LRRC4B: variants seen among roughly 807,000 people sequenced by gnomAD.
LRRC4B encodes leucine-rich repeat-containing protein 4B.
Under a neutral mutation model 7.3 loss-of-function variants are expected in LRRC4B, and 1 was observed. The ratio of observed to expected loss-of-function variants is 0.14; its 90% CI spans 0.05 to 0.65. LRRC4B has a LOEUF of 0.65. Ranked by LOEUF, LRRC4B falls within the 30% of genes least tolerant of loss-of-function variation. The pLI is 0.84. For synonymous variants in LRRC4B, 500 were observed against 499.2 expected (o/e 1.00, Z -0.02); for missense variants, 730 against 1,041.6 (o/e 0.70, Z 4.12).
At chr19:50,560,545 A>T (rs758097653) in intron 1 of LRRC4B, among the ~76,000 whole-genome samples, 2 of 152,262 alleles carry the variant, frequency 1.3e-5, no homozygotes. Flanking sequence ...TCCAGGATCC[A>T]GAAGATCCTC....
At chr19:50,538,655 G>A (rs1217518614) in intron 2 of LRRC4B, among the ~76,000 whole-genome samples, 1 of 138,882 alleles carries the variant, frequency 7.2e-6, no homozygotes, top group African/African-American at 2.6e-5. Flanking sequence ...TGCAGCCTCT[G>A]CCTCCTGGCC....
chr19:50,556,071 C>A lies in LRRC4B; in HGVS notation c.-35-7198G>T, dbSNP rs1277714329. On this transcript the variant is annotated intron_variant, in intron 1 of 2. Transcript: ENST00000652263. This position sits in a 1 kb window ranked among gnomAD's most constrained non-coding sequence, Gnocchi z 4.2. ...AATGCTTTCAAAATAAAAGCAGCCC[C>A]ACAGCGCCGAGAATTGTCAGGCTTC... Among the ~76,000 whole-genome samples, 1 of 152,138 alleles carries A rather than the reference C, an allele frequency of 6.6e-6. No individual in the cohort carries two copies. Among genetic ancestry groups the A allele is most frequent in the Non-Finnish European group, 1.5e-5 (1 of 68,028 alleles).
chr19:50,527,706 TTCCCTCCC>T (rs544155236), intron 2 of LRRC4B, among the ~76,000 whole-genome samples: 39 of 149,696 alleles, frequency 2.6e-4, no homozygotes, highest in African/African-American at 9.3e-4. Context: ...CTCTGTCTCT[TTCCCTCCC>T]TCCCTCCCTC....
At chr19:50,528,201 C>A (rs970518156) in intron 2 of LRRC4B, among the ~76,000 whole-genome samples, 1 of 152,034 alleles carries the variant, frequency 6.6e-6, no homozygotes, top group African/African-American at 2.4e-5. Context: ...CACCACCATG[C>A]CTTGCTAAGT....
rs186443781 is a variant in LRRC4B, at chr19:50,517,215, C to G, written c.*356G>C. 7 of 198,476 alleles carry G rather than the reference C, an allele frequency of 3.5e-5. No individual in the cohort carries two copies. The highest frequency in any genetic ancestry group is 1.2e-4 in the African/African-American group (5 of 43,370). The allele number at this position is 198,476 out of a possible 1,614,324, so 12.3% of individuals were successfully genotyped here. On this transcript the variant is annotated 3_prime_UTR_variant, in exon 3 of 3. Coordinates refer to ENST00000652263, the MANE Select transcript of LRRC4B (RefSeq NM_001080457.2). The surrounding 1 kb of genome is among the most constrained non-coding windows in gnomAD (Gnocchi z 6.6). The stretch of plus-strand genomic sequence containing the variant: ...TGTTTGGGGCCGAGGGGAAAGGACA[C>G]CCCTGGAGAAAGCTCCTCTCTCCCC...
At chr19:50,549,282 G>C (rs948405546) in intron 1 of LRRC4B, among the ~76,000 whole-genome samples, 1 of 152,184 alleles carries the variant, frequency 6.6e-6, no homozygotes, top group African/African-American at 2.4e-5. Context: ...GACAAGGCGA[G>C]GGGGCAGAAA....
chr19:50,541,650 C>T (rs1302997343), intron 2 of LRRC4B, among the ~76,000 whole-genome samples: 2 of 152,174 alleles, frequency 1.3e-5, no homozygotes, highest in Non-Finnish European at 2.9e-5. Flanking sequence ...ACCACACTTG[C>T]TTGCCATACA....
chr19:50,556,419 T>C lies in LRRC4B; in HGVS notation c.-35-7546A>G, dbSNP rs865926833. 6.6e-6 allele frequency among the ~76,000 whole-genome samples: 1 copy of C among 152,042 alleles called. No individual in the cohort carries two copies. The highest frequency in any genetic ancestry group is 1.9e-4 in the East Asian group (1 of 5,168). ...CCCATCCACACCAGACCCGTTCCCC[T>C]GAGGGGACTTTGCCCCTGCTGTGCC... On this transcript the variant is annotated intron_variant, in intron 1 of 2. Coordinates refer to ENST00000652263, the MANE Select transcript of LRRC4B (RefSeq NM_001080457.2). This position sits in a 1 kb window ranked among gnomAD's most constrained non-coding sequence, Gnocchi z 4.2.
intron 2 of LRRC4B, among the ~76,000 whole-genome samples, chr19:50,528,825 C>A (rs781570146): frequency 1.1e-4 from 17 of 152,232 alleles, no homozygotes; most frequent in Non-Finnish European, 1.8e-4. Flanking sequence ...CTCGGGCAGG[C>A]CTTGTGGGGC....
chr19:50,521,024 C>T (rs1028344012), intron 2 of LRRC4B, among the ~76,000 whole-genome samples: 29 of 152,036 alleles, frequency 1.9e-4, no homozygotes, highest in Admixed American at 8.5e-4. Context: ...ACAAACACTG[C>T]GAGGTGTGGC....
At position 50,563,177 on chromosome 19, in the gene LRRC4B, C is replaced by A. The variant is rs1398672097; in HGVS notation, c.-36+4767G>T. On this transcript the variant is annotated intron_variant, in intron 1 of 2. Coordinates refer to ENST00000652263, the MANE Select transcript of LRRC4B (RefSeq NM_001080457.2). The surrounding 1 kb of genome is among the most constrained non-coding windows in gnomAD (Gnocchi z 4.9). ...CCTCCCGCAGTGAGCCCCCATCAGCCCCTCTCGTGGGTCTCCAAGGCAGCC... is the reference window on the plus strand; with the variant it reads ...CCTCCCGCAGTGAGCCCCCATCAGCACCTCTCGTGGGTCTCCAAGGCAGCC... Among the ~76,000 whole-genome samples the A allele has an allele frequency of 1.3e-5, 2 of 152,178 alleles. No homozygotes were observed. The highest frequency in any genetic ancestry group is 4.8e-5 in the African/African-American group (2 of 41,440).
In LRRC4B at chr19:50,537,164, G is replaced by A. The variant is rs1211645910; in HGVS notation, c.297+11378C>T. Among the ~76,000 whole-genome samples, 2 of 152,152 alleles carry A rather than the reference G, an allele frequency of 1.3e-5. No individual in the cohort carries two copies. The highest frequency in any genetic ancestry group is 6.5e-5 in the Admixed American group (1 of 15,278). On this transcript the variant is annotated intron_variant, in intron 2 of 2. Transcript: ENST00000652263. The surrounding 1 kb of genome is among the most constrained non-coding windows in gnomAD (Gnocchi z 5.5). ...ATAGCTACGAATTAGGAAGCATTAC[G>A]AATCGCGTTGAAAAAACCAAGTTCT...
chr19:50,543,338 GT>G (rs1981640538), intron 2 of LRRC4B, among the ~76,000 whole-genome samples: 3 of 144,804 alleles, frequency 2.1e-5, no homozygotes, highest in African/African-American at 8.1e-5. Flanking sequence ...AGGCCCTGGT[GT>G]GTGTGTGTGT....
chr19:50,529,272 C>T (rs772770147), intron 2 of LRRC4B, among the ~76,000 whole-genome samples: 1 of 152,128 alleles, frequency 6.6e-6, no homozygotes. Flanking sequence ...CTCCGTGAAG[C>T]CCAGTGGGAG....
At position 50,568,207 on chromosome 19, in the gene LRRC4B, C is replaced by G. The variant is rs1465104716; in HGVS notation, c.-299G>C. Among the ~76,000 whole-genome samples, 1 of 151,710 alleles carries G rather than the reference C, an allele frequency of 6.6e-6. No homozygotes were observed. The highest frequency in any genetic ancestry group is 1.5e-5 in the Non-Finnish European group (1 of 67,872). ...CCCGCCTGCCGTCCGGCCCCGCGCC[C>G]TCGCCCGCCGCCCGCCTTCCTTCTT... On this transcript the variant is annotated 5_prime_UTR_variant, in exon 1 of 3. Transcript: ENST00000652263.
rs1178597479 is a variant in LRRC4B, at chr19:50,556,951, C to CG, written c.-35-8079dup. ...AGAGGCCGTGGCAATGGGCCGGGGG[C>CG]GGGGGGGCCCTCCTTCCTCTCACAA... On this transcript the variant is annotated intron_variant, in intron 1 of 2. Transcript: ENST00000652263. The surrounding 1 kb of genome is among the most constrained non-coding windows in gnomAD (Gnocchi z 4.2). Among the ~76,000 whole-genome samples the CG allele has an allele frequency of 6.2e-5, 9 of 144,690 alleles. No homozygotes were observed. Among genetic ancestry groups the CG allele is most frequent in the African/African-American group, 1.8e-4 (7 of 38,692 alleles). The allele number at this position is 144,690 out of a possible 152,430, so 94.9% of individuals were successfully genotyped here.
At chr19:50,543,627 G>A (rs552822044) in intron 2 of LRRC4B, among the ~76,000 whole-genome samples, 76 of 150,984 alleles carry the variant, frequency 5.0e-4, no homozygotes, top group African/African-American at 1.7e-3. Context: ...CGAGGTGGGC[G>A]GATCCCTTGA....
At position 50,537,643 on chromosome 19, in the gene LRRC4B, A is replaced by G. The variant is rs767443627; in HGVS notation, c.297+10899T>C. On this transcript the variant is annotated intron_variant, in intron 2 of 2. Coordinates refer to ENST00000652263, the MANE Select transcript of LRRC4B (RefSeq NM_001080457.2). This position sits in a 1 kb window ranked among gnomAD's most constrained non-coding sequence, Gnocchi z 5.5. ...GCAATTCTACGCCTTTGTCAATTTA[A>G]CTTTAACAGGTGTGAGCCACCGCGC... 1.1e-4 allele frequency among the ~76,000 whole-genome samples: 16 copies of G among 152,268 alleles called. No homozygotes were observed. Among genetic ancestry groups the G allele is most frequent in the Admixed American group, 3.3e-4 (5 of 15,300 alleles).
chr19:50,534,052 A>T (rs1473009311), intron 2 of LRRC4B, among the ~76,000 whole-genome samples: 1 of 152,124 alleles, frequency 6.6e-6, no homozygotes, highest in African/African-American at 2.4e-5. Flanking sequence ...TGTTTCGCTC[A>T]TTTGACAGGT....
Sources: allele counts gnomAD v4.1 joint callset (sites outside exome capture counted in the v4.1 genomes callset), GRCh38; gene constraint gnomAD v4.1.1; non-coding constraint Gnocchi (gnomAD v3.1); transcripts MANE v1.5; gene names NCBI Gene and HGNC (gene_info 2026-07-23, HGNC 2026-07-21).